The following HERC3 variants were observed in gnomAD, a reference collection of about 807,000 sequenced individuals.
HERC3 encodes probable E3 ubiquitin-protein ligase HERC3.
A neutral mutation model predicts 129.9 loss-of-function variants in HERC3; 58 were observed. The observed-to-expected ratio is 0.45, with a 90% CI of 0.36 to 0.56. The LOEUF (loss-of-function observed/expected upper bound fraction) is 0.56, where lower values mean the gene tolerates loss of function less well. HERC3 is among the 20% of genes least tolerant of loss of function. HERC3 has a pLI of 0.00. For synonymous variants in HERC3, 430 were observed against 451.0 expected (o/e 0.95, Z 0.59); for missense variants, 835 against 1,244.2 (o/e 0.67, Z 4.95).
At chr4:88,610,080 C>CT (rs1330911760) in intron 3 of HERC3, among the ~76,000 whole-genome samples, 2 of 152,112 alleles carry the variant, frequency 1.3e-5, no homozygotes, top group Admixed American at 1.3e-4. Context: ...TGGCTGGCCC[C>CT]TTTACTGTAA....
chr4:88,651,992 G>C lies in HERC3; in HGVS notation c.387-20G>C. 6.4e-7 allele frequency: 1 copy of C among 1,550,950 alleles called. No individual in the cohort carries two copies. The highest frequency in any genetic ancestry group is 8.9e-7 in the Non-Finnish European group (1 of 1,125,494). ...TGTGTGTGAATATCTATCTGAAAAA[G>C]AAAGCCTTTTCTGTTTTAGGTTAAT... On this transcript the variant is annotated intron_variant, in intron 4 of 25. Coordinates refer to ENST00000402738, the MANE Select transcript of HERC3 (RefSeq NM_014606.3).
chr4:88,616,074 G>A (rs533795480), intron 3 of HERC3, among the ~76,000 whole-genome samples: 50 of 152,144 alleles, frequency 3.3e-4, no homozygotes, highest in Non-Finnish European at 6.5e-4. Flanking sequence ...TGAATGATAT[G>A]GACATTCAGC....
At chr4:88,662,403 C>G (rs1730584667) in intron 10 of HERC3, 28 bp from the exon 11 acceptor site, 2 of 1,589,596 alleles carry the variant, frequency 1.3e-6, no homozygotes, top group African/African-American at 1.4e-5. Flanking sequence ...ATAATTTCTT[C>G]TTTTTACTGT....
chr4:88,666,342 A>T (rs1731046817), intron 12 of HERC3, among the ~76,000 whole-genome samples: 1 of 152,184 alleles, frequency 6.6e-6, no homozygotes, highest in South Asian at 2.1e-4. Context: ...TAGATAAAAC[A>T]TTTTGTTTTT....
chr4:88,588,492 C>T (rs1276235789), upstream of HERC3, among the ~76,000 whole-genome samples: 1 of 152,198 alleles, frequency 6.6e-6, no homozygotes, highest in Non-Finnish European at 1.5e-5. Context: ...TTTGTCATTA[C>T]ATAACCATAC....
At chr4:88,700,420 G>A (rs958212770) in intron 23 of HERC3, among the ~76,000 whole-genome samples, 2 of 152,122 alleles carry the variant, frequency 1.3e-5, no homozygotes, top group South Asian at 4.1e-4. Flanking sequence ...AAGGAAGACC[G>A]GAGGCTGCTA....
At chr4:88,666,962 G>T (rs913006072) in intron 12 of HERC3, among the ~76,000 whole-genome samples, 1 of 152,038 alleles carries the variant, frequency 6.6e-6, no homozygotes, top group African/African-American at 2.4e-5. Context: ...CACAGGGGAC[G>T]TTATTTGTAC....
At chr4:88,593,632 C>T (rs996724808) in intron 1 of HERC3, 1 of 152,164 alleles carries the variant, frequency 6.6e-6, no homozygotes, top group Non-Finnish European at 1.5e-5. Flanking sequence ...GCATTCATCA[C>T]GCATAGAATG....
rs537087858 is a variant in HERC3, at chr4:88,627,297, G to A, written c.226+21248G>A. On this transcript the variant is annotated intron_variant, in intron 3 of 25. Transcript: ENST00000402738. Reference sequence around the variant, plus strand: ...CACAAGTTCTGCATCATGGATTCAAGCAACCACAGATTGAAAATATTTAGG... The same window carrying A: ...CACAAGTTCTGCATCATGGATTCAAACAACCACAGATTGAAAATATTTAGG... Among the ~76,000 whole-genome samples, 13 of 151,328 alleles carry A rather than the reference G, an allele frequency of 8.6e-5. No individual in the cohort carries two copies. In the East Asian group the frequency reaches 2.5e-3, roughly 29 times the overall value.
chr4:88,656,953 G>A (rs1185336236), intron 9 of HERC3: 1 of 152,068 alleles, frequency 6.6e-6, no homozygotes, highest in African/African-American at 2.4e-5. Context: ...TTTGCTGTTG[G>A]CATTTTGGTA....
chr4:88,675,867 C>T (rs1002187891), intron 16 of HERC3, among the ~76,000 whole-genome samples: 1 of 151,984 alleles, frequency 6.6e-6, no homozygotes. Flanking sequence ...TTGTATTGTC[C>T]ACTTTACCCA....
chr4:88,677,357 G>A (rs1055222452), intron 18 of HERC3, among the ~76,000 whole-genome samples: 5 of 152,046 alleles, frequency 3.3e-5, no homozygotes, highest in African/African-American at 1.2e-4. Flanking sequence ...ATTTTGACAA[G>A]CCACAAAAAC....
intron 20 of HERC3, chr4:88,680,846 G>A (rs976767583): frequency 1.2e-5 from 2 of 168,788 alleles, no homozygotes; most frequent in African/African-American, 2.4e-5. Context: ...GACACATGTA[G>A]CCAGTGGCTA....
At chr4:88,654,470 T>C (rs1729669496) in intron 7 of HERC3, among the ~76,000 whole-genome samples, 1 of 145,740 alleles carries the variant, frequency 6.9e-6, no homozygotes, top group Admixed American at 6.9e-5. Flanking sequence ...TATATATAAA[T>C]ATAATGTATA....
chr4:88,542,431 G>A, the HERC3 span, among the ~76,000 whole-genome samples: 1 of 152,174 alleles, frequency 6.6e-6, no homozygotes, highest in South Asian at 2.1e-4. Flanking sequence ...AACAGGTTCT[G>A]AAATTGAGGC....
chr4:88,533,338 A>G, the HERC3 span, among the ~76,000 whole-genome samples: 1 of 152,212 alleles, frequency 6.6e-6, no homozygotes, highest in Non-Finnish European at 1.5e-5. Context: ...CTGAAATGTT[A>G]ATCTCCTTTG....
the HERC3 span, chr4:88,527,284 C>G: frequency 6.7e-6 from 1 of 148,836 alleles, no homozygotes; most frequent in East Asian, 2.0e-4. Context: ...CAGGATCTTG[C>G]TCTATCTCCC....
At chr4:88,642,272 G>C (rs1456251112) in intron 3 of HERC3, among the ~76,000 whole-genome samples, 1 of 152,016 alleles carries the variant, frequency 6.6e-6, no homozygotes, top group Non-Finnish European at 1.5e-5. Context: ...AGGAAAAACA[G>C]TCTAAAGAAG....
intron 3 of HERC3, among the ~76,000 whole-genome samples, chr4:88,629,030 A>T (rs1726452595): frequency 6.6e-6 from 1 of 152,172 alleles, no homozygotes; most frequent in African/African-American, 2.4e-5. Context: ...AAAATTAGCC[A>T]CATGGTGGCA....
Sources: allele counts gnomAD v4.1 joint callset (sites outside exome capture counted in the v4.1 genomes callset), GRCh38; gene constraint gnomAD v4.1.1; transcripts MANE v1.5; gene names NCBI Gene and HGNC (gene_info 2026-07-23, HGNC 2026-07-21).